Variants in KIF16B observed in about 807,000 individuals in gnomAD.
KIF16B encodes kinesin-like protein KIF16B.
A neutral mutation model predicts 156.3 loss-of-function variants in KIF16B; 98 were observed. The observed-to-expected ratio is 0.63, with a 90% CI of 0.53 to 0.74. KIF16B has a LOEUF of 0.74. Ranked by LOEUF, KIF16B falls within the 30% of genes least tolerant of loss-of-function variation. KIF16B has a pLI of 0.00. For missense variants in KIF16B, 1,421 were observed against 1,606.5 expected (o/e 0.88, Z 1.97); for synonymous variants, 564 against 583.7 (o/e 0.97, Z 0.49).
intron 21 of KIF16B, 80 bp from the exon 22 acceptor site, chr20:16,370,716 TATGGGA>T: frequency 9.8e-7 from 1 of 1,016,292 alleles, no homozygotes; most frequent in Non-Finnish European, 1.4e-6. Context: ...TACAAGTATT[TATGGGA>T]ATGGAAATCT....
intron 1 of KIF16B, among the ~76,000 whole-genome samples, chr20:16,551,852 A>C (rs1308679080): frequency 6.6e-6 from 1 of 152,090 alleles, no homozygotes; most frequent in Non-Finnish European, 1.5e-5. Context: ...CTCCCACGAC[A>C]GCTACAGGAG....
chr20:16,313,059 T>C (rs1331211910), intron 24 of KIF16B, among the ~76,000 whole-genome samples: 1 of 152,202 alleles, frequency 6.6e-6, no homozygotes, highest in East Asian at 1.9e-4. Flanking sequence ...GCTTTTCCTC[T>C]TGAATGTACA....
intron 24 of KIF16B, among the ~76,000 whole-genome samples, chr20:16,331,886 C>G (rs1040163643): frequency 1.3e-5 from 2 of 152,010 alleles, no homozygotes; most frequent in African/African-American, 2.4e-5. Context: ...CTAATGAGGG[C>G]AATAATAATT....
At chr20:16,567,757 T>G (rs893493076) in intron 1 of KIF16B, among the ~76,000 whole-genome samples, 1 of 152,138 alleles carries the variant, frequency 6.6e-6, no homozygotes, top group Non-Finnish European at 1.5e-5. Context: ...AAGACCATCC[T>G]GGCTAACACA....
At chr20:16,503,414 G>T in intron 10 of KIF16B, among the ~76,000 whole-genome samples, 1 of 152,128 alleles carries the variant, frequency 6.6e-6, no homozygotes, top group East Asian at 1.9e-4. Flanking sequence ...TTGTGGGAAA[G>T]AACTGCCAGG....
At chr20:16,567,070 A>G (rs1359937512) in intron 1 of KIF16B, among the ~76,000 whole-genome samples, 1 of 152,166 alleles carries the variant, frequency 6.6e-6, no homozygotes, top group African/African-American at 2.4e-5. Context: ...CCACCTCTCA[A>G]CTAAGTCTTC....
At chr20:16,502,752 T>TA (rs1161455916) in intron 10 of KIF16B, among the ~76,000 whole-genome samples, 1 of 152,206 alleles carries the variant, frequency 6.6e-6, no homozygotes, top group Non-Finnish European at 1.5e-5. Flanking sequence ...CAGTTAATTT[T>TA]AAAAAGATAA....
chr20:16,518,374 T>C (rs1195573101), intron 3 of KIF16B, among the ~76,000 whole-genome samples: 1 of 152,206 alleles, frequency 6.6e-6, no homozygotes, highest in Non-Finnish European at 1.5e-5. Flanking sequence ...AGAACCTGGC[T>C]GGCCTGGTTA....
intron 1 of KIF16B, among the ~76,000 whole-genome samples, chr20:16,544,854 GATGAATGA>G (rs145984561): frequency 7.9e-5 from 12 of 151,868 alleles, no homozygotes; most frequent in South Asian, 2.1e-4. Context: ...GCAAACACTT[GATGAATGA>G]ATGAATGAAT....
chr20:16,546,872 G>T (rs1003366586), intron 1 of KIF16B, among the ~76,000 whole-genome samples: 7 of 152,076 alleles, frequency 4.6e-5, no homozygotes, highest in African/African-American at 1.7e-4. Context: ...TGCCTGCCAG[G>T]TTCAAGCGAT....
chr20:16,494,813 CA>C (rs1259168021), intron 11 of KIF16B, among the ~76,000 whole-genome samples: 8 of 152,076 alleles, frequency 5.3e-5, no homozygotes, highest in African/African-American at 1.9e-4. Flanking sequence ...AGCTAATTAA[CA>C]GGGCTTATAA....
intron 15 of KIF16B, among the ~76,000 whole-genome samples, chr20:16,413,042 G>T (rs1023548637): frequency 3.9e-5 from 6 of 151,920 alleles, no homozygotes; most frequent in Admixed American, 6.6e-5. Context: ...TATCAAACTG[G>T]ACAATTTCTA....
chr20:16,411,231 A>C (rs11905054), intron 15 of KIF16B, among the ~76,000 whole-genome samples: 5,511 of 152,116 alleles, frequency 0.036, 315 homozygotes, highest in African/African-American at 0.12. Flanking sequence ...GCAAGTATTC[A>C]CTGTGACACT....
chr20:16,409,696 A>G (rs999668500), intron 15 of KIF16B, among the ~76,000 whole-genome samples: 1 of 151,770 alleles, frequency 6.6e-6, no homozygotes, highest in Non-Finnish European at 1.5e-5. Flanking sequence ...TGATTTGATG[A>G]TGGGCTAGAC....
Position 16,547,550 on chromosome 20 carries a change from C to T in KIF16B, c.48-19110G>A, listed in dbSNP as rs1461067311. Reference sequence around the variant, plus strand: ...AATATTCTTTGAAACTGTGTCATATCACCTTCTCCAGTGCCTCCACGACCT... The same window carrying T: ...AATATTCTTTGAAACTGTGTCATATTACCTTCTCCAGTGCCTCCACGACCT... On this transcript the variant is annotated intron_variant, in intron 1 of 25. Transcript: ENST00000354981. Among the ~76,000 whole-genome samples the T allele has an allele frequency of 2.6e-5, 4 of 152,286 alleles. No homozygotes were observed. In the East Asian group the frequency reaches 7.7e-4, roughly 29 times the overall value.
chr20:16,462,123 C>A lies in KIF16B; in HGVS notation c.1303-32141G>T, dbSNP rs6043964. Among the ~76,000 whole-genome samples the A allele has an allele frequency of 3.9e-3, 588 of 152,236 alleles. 2 individuals carry two copies. Among genetic ancestry groups the A allele is most frequent in the African/African-American group, 0.013 (560 of 41,546 alleles). On this transcript the variant is annotated intron_variant, in intron 12 of 25. Coordinates refer to ENST00000354981, the MANE Select transcript of KIF16B (RefSeq NM_024704.5). ...GGGCATGGTGGCACACGCCTGTAGT[C>A]CCAGCTACTCAGGAGGCTGAGGCAG...
intron 24 of KIF16B, among the ~76,000 whole-genome samples, chr20:16,327,319 T>C (rs1392276884): frequency 1.3e-5 from 2 of 151,760 alleles, no homozygotes; most frequent in Admixed American, 1.3e-4. Context: ...TTAGGGATAA[T>C]AGACTACACA....
chr20:16,472,553 T>TAAAAA (rs11318601), intron 12 of KIF16B, among the ~76,000 whole-genome samples: 63 of 113,408 alleles, frequency 5.6e-4, no homozygotes, highest in Middle Eastern at 5.3e-3. Context: ...CATCTGAAAT[T>TAAAAA]AAAAAAAAAA....
intron 24 of KIF16B, among the ~76,000 whole-genome samples, chr20:16,323,250 CG>C (rs2122810993): frequency 6.6e-6 from 1 of 152,074 alleles, no homozygotes; most frequent in African/African-American, 2.4e-5. Flanking sequence ...ACATAGCACT[CG>C]AATTGGTCAA....
Sources: gnomAD v4.1 joint callset for allele counts (sites outside exome capture counted in the v4.1 genomes callset) on GRCh38, gnomAD v4.1.1 for gene constraint, MANE v1.5 for transcripts, NCBI Gene and HGNC (gene_info 2026-07-23, HGNC 2026-07-21) for gene names.